MTIF2: variants seen among roughly 807,000 people sequenced by gnomAD.
The protein encoded by MTIF2 is mitochondrial translational initiation factor 2.
Under a neutral mutation model 83.5 loss-of-function variants are expected in MTIF2, and 71 were observed. The observed-to-expected ratio is 0.85, with a 90% confidence interval of 0.70 to 1.04. MTIF2 has a LOEUF of 1.04. MTIF2 is among the 50% of genes least tolerant of loss of function. The pLI, the probability that MTIF2 is intolerant of heterozygous loss-of-function variation, is 0.00. For synonymous variants in MTIF2, 319 were observed against 287.1 expected (o/e 1.11, Z -1.12); for missense variants, 957 against 846.5 (o/e 1.13, Z -1.62).
chr2:55,255,410 ATATT>A (rs1465395059), intron 5 of MTIF2, among the ~76,000 whole-genome samples: 1 of 145,622 alleles, frequency 6.9e-6, no homozygotes, highest in African/African-American at 2.5e-5. Flanking sequence ...TATATAATAT[ATATT>A]TATATATCTC....
Position 55,243,461 on chromosome 2 carries a change from C to A in MTIF2, c.1519G>T (p.Glu507Ter). ...ACATTTGAATCTCTTTCCCTTTTCTCTTTTGGCTTTAAGGGTATTTGTTCT... is the reference window on the plus strand; with the variant it reads ...ACATTTGAATCTCTTTCCCTTTTCTATTTTGGCTTTAAGGGTATTTGTTCT... Reference protein sequence around the residue: ...RKEQIPLKPKEKRERDSNVLS... With the variant: ...RKEQIPLKPK Residue 507 changes from glutamate to a stop codon, truncating the protein, a stop_gained, in exon 12 of 16, where the codon GAG (glutamate) becomes TAG (stop). Coordinates refer to ENST00000263629, the MANE Select transcript of MTIF2 (RefSeq NM_002453.3). LOFTEE classifies it high-confidence loss of function. 6.2e-7 allele frequency: 1 copy of A among 1,612,846 alleles called. No individual in the cohort carries two copies. Among genetic ancestry groups the A allele is most frequent in the Non-Finnish European group, 8.5e-7 (1 of 1,179,264 alleles).
At chr2:55,241,998 T>C (rs1676350769) in intron 13 of MTIF2, among the ~76,000 whole-genome samples, 1 of 151,308 alleles carries the variant, frequency 6.6e-6, no homozygotes, top group South Asian at 2.1e-4. Flanking sequence ...AATACAAAAT[T>C]AGCCAGGCAT....
At chr2:55,265,712 TATTA>T (rs1678380653) in intron 3 of MTIF2, among the ~76,000 whole-genome samples, 1 of 152,168 alleles carries the variant, frequency 6.6e-6, no homozygotes, top group Non-Finnish European at 1.5e-5. Flanking sequence ...AATAAGGTCA[TATTA>T]ATTTTGTTTT....
Position 55,243,644 on chromosome 2 carries a change from A to C in MTIF2, c.1336T>G (p.Trp446Gly), listed in dbSNP as rs777327767. Residue 446 changes from tryptophan (W) to glycine (G), a missense_variant, in exon 12 of 16, where the codon TGG (tryptophan) becomes GGG (glycine). This residue lies in a region of MTIF2 where 733 missense variants were observed against 648.7 expected (regional missense o/e 1.13). Transcript: ENST00000263629. Reference sequence around the variant, plus strand: ...TCCTGTTCTTGTTCATATTTCCTCCAGTCAACAACTTCACGTGCCCTTGGC... The same window carrying C: ...TCCTGTTCTTGTTCATATTTCCTCCCGTCAACAACTTCACGTGCCCTTGGC... ...SEPRAREVVD[W>G]RKYEQEQEKG... 3.7e-6 allele frequency: 6 copies of C among 1,613,602 alleles called. No homozygotes were observed. The highest frequency in any genetic ancestry group is 5.1e-6 in the Non-Finnish European group (6 of 1,179,912).
At chr2:55,265,971 C>G (rs1678399945) in intron 3 of MTIF2, among the ~76,000 whole-genome samples, 1 of 152,050 alleles carries the variant, frequency 6.6e-6, no homozygotes, top group Non-Finnish European at 1.5e-5. Context: ...CATAAGTAAT[C>G]TAGAGATGAC....
At chr2:55,250,458 CT>C (rs1273560522) in intron 8 of MTIF2, among the ~76,000 whole-genome samples, 12 of 151,532 alleles carry the variant, frequency 7.9e-5, no homozygotes, top group African/African-American at 2.9e-4. Flanking sequence ...CAATTCAATA[CT>C]GCTAGATCAT....
chr2:55,237,785 G>A (rs1449265926), intron 14 of MTIF2, among the ~76,000 whole-genome samples: 1 of 151,014 alleles, frequency 6.6e-6, no homozygotes, highest in South Asian at 2.1e-4. Context: ...CGAGTAGCTG[G>A]GATTACAGGC....
At chr2:55,237,498 C>G (rs763091816) in intron 14 of MTIF2, 70 bp from the exon 15 acceptor site, 5 of 1,461,196 alleles carry the variant, frequency 3.4e-6, no homozygotes, top group African/African-American at 1.4e-5. Context: ...TTCTGACATT[C>G]TGTGGTATAA....
In MTIF2 at chr2:55,240,098, G is replaced by C; in HGVS notation, c.1783C>G (p.Leu595Val). 7.4e-6 allele frequency: 12 copies of C among 1,613,856 alleles called. No individual in the cohort carries two copies. Among genetic ancestry groups the C allele is most frequent in the Non-Finnish European group, 1.0e-5 (12 of 1,179,972 alleles). Residue 595 changes from leucine (L) to valine (V), a missense_variant, in exon 14 of 16, where the codon CTT becomes GTT. By Grantham distance (32) the Leu-to-Val change is conservative. Coordinates refer to ENST00000263629, the MANE Select transcript of MTIF2 (RefSeq NM_002453.3). ...SAAKKGVKIKLHKIIYRLVED... is the reference protein window; with the variant it reads ...SAAKKGVKIKVHKIIYRLVED... ...ACAAGACGGTAAATTATTTTGTGAA[G>C]TTTAATTTTTACTCCTTTTTTTGCA... is the stretch of plus-strand genomic sequence containing the variant.
intron 13 of MTIF2, 98 bp downstream of exon 13, chr2:55,242,841 TA>T: frequency 8.0e-7 from 1 of 1,242,754 alleles, no homozygotes. Context: ...CTGATAGCAG[TA>T]AATGTCAGGT....
In MTIF2 at chr2:55,254,024, G is replaced by C. The variant is rs1431324057; in HGVS notation, c.664+17C>G. The C allele has an allele frequency of 1.2e-6, 2 of 1,612,802 alleles. No individual in the cohort carries two copies. Among genetic ancestry groups the C allele is most frequent in the Non-Finnish European group, 1.7e-6 (2 of 1,179,196 alleles). Reference sequence around the variant, plus strand: ...GTGGGGTTCCCAAGCACATTGTAAGGTAATTTGTGTTCATACCAAGAAAGG... The same window carrying C: ...GTGGGGTTCCCAAGCACATTGTAAGCTAATTTGTGTTCATACCAAGAAAGG... On this transcript the variant is annotated intron_variant, in intron 7 of 15. Coordinates refer to ENST00000263629, the MANE Select transcript of MTIF2 (RefSeq NM_002453.3).
chr2:55,244,311 GTTATATAAACATGTGTATACACAAGA>G, intron 10 of MTIF2, 78 bp from the exon 11 acceptor site: 17 of 1,113,362 alleles, frequency 1.5e-5, no homozygotes, highest in Non-Finnish European at 2.2e-5. Context: ...TGAAGTTTAA[GTTATATAAACATGTGTATACACAAGA>G]TTAATTCCAC....
In MTIF2 at chr2:55,255,498, A is replaced by T. The variant is rs181982268; in HGVS notation, c.332-673T>A. Among the ~76,000 whole-genome samples, 589 of 146,364 alleles carry T rather than the reference A, an allele frequency of 4.0e-3. 3 individuals carry two copies. Among genetic ancestry groups the T allele is most frequent in the Middle Eastern group, 0.032 (9 of 278 alleles). On this transcript the variant is annotated intron_variant, in intron 5 of 15. Coordinates refer to ENST00000263629, the MANE Select transcript of MTIF2 (RefSeq NM_002453.3). ...ATATTTATATATAAATACATATATT[A>T]TATATATATATATTTGATTCATTAA...
intron 5 of MTIF2, among the ~76,000 whole-genome samples, chr2:55,257,298 G>A (rs1420465651): frequency 6.6e-6 from 1 of 152,114 alleles, no homozygotes; most frequent in Non-Finnish European, 1.5e-5. Context: ...TGGCCAACAT[G>A]GTGAAACCCC....
intron 8 of MTIF2, among the ~76,000 whole-genome samples, chr2:55,250,838 G>A (rs906878576): frequency 4.3e-4 from 66 of 151,982 alleles, no homozygotes; most frequent in African/African-American, 1.4e-3. Context: ...CATTCTGGCC[G>A]GGCACGGTGG....
intron 8 of MTIF2, among the ~76,000 whole-genome samples, chr2:55,251,589 G>A (rs553593907): frequency 1.3e-5 from 2 of 152,102 alleles, no homozygotes; most frequent in African/African-American, 4.8e-5. Context: ...AAGGGTAGGG[G>A]TACAGTCATT....
intron 5 of MTIF2, among the ~76,000 whole-genome samples, chr2:55,255,481 A>G (rs1009450902): frequency 6.1e-5 from 9 of 147,160 alleles, no homozygotes; most frequent in Non-Finnish European, 1.3e-4. Context: ...AAATATTTAT[A>G]TATAAATACA....
chr2:55,262,316 C>G lies in MTIF2; in HGVS notation c.331G>C (p.Asp111His). ...TGCTTTGTAAAAATATCTGACTCAC[C>G]TGTGTTTTTTTCCATTGCCCTGGCC... ...ELARAMEKNT[D>H]YVYEALLNTD... is the part of the protein sequence containing the mutation. The change falls in exon 5 of 16, where the codon GAT (aspartate) becomes CAT (histidine). Residue 111 changes from aspartate (D) to histidine (H), a missense_variant and splice_region_variant. Asp to His is a moderately conservative substitution (Grantham distance 81, BLOSUM62 -1). Around this residue, in one of 3 missense-constraint regions of MTIF2, gnomAD observed 733 missense variants for 648.7 expected, o/e 1.13. Coordinates refer to ENST00000263629, the MANE Select transcript of MTIF2 (RefSeq NM_002453.3). 1 of 1,601,076 alleles carries G rather than the reference C, an allele frequency of 6.2e-7. No homozygotes were observed. The highest frequency in any genetic ancestry group is 8.6e-7 in the Non-Finnish European group (1 of 1,169,466).
At chr2:55,242,179 A>G (rs1225849058) in intron 13 of MTIF2, among the ~76,000 whole-genome samples, 1 of 151,986 alleles carries the variant, frequency 6.6e-6, no homozygotes, top group Non-Finnish European at 1.5e-5. Flanking sequence ...TCATTTCAAT[A>G]TCTTTCAATA....
Sources: gnomAD v4.1 joint callset for allele counts (sites outside exome capture counted in the v4.1 genomes callset) on GRCh38, gnomAD v4.1.1 for gene constraint, gnomAD v4.1.1 regional missense constraint, MANE v1.5 for transcripts, NCBI Gene and HGNC (gene_info 2026-07-23, HGNC 2026-07-21) for gene names.